Variants in CDH13 observed in about 807,000 individuals in gnomAD.
The protein encoded by CDH13 is cadherin-13.
CDH13 carries 24 observed loss-of-function variants against 63.8 expected under a neutral mutation model. The observed-to-expected ratio is 0.38, with a 90% CI of 0.27 to 0.53. CDH13 has a LOEUF of 0.53. Ranked by LOEUF, CDH13 falls within the 20% of genes least tolerant of loss-of-function variation. The pLI, the probability that CDH13 is intolerant of heterozygous loss-of-function variation, is 0.85. For missense variants in CDH13, 1,049 were observed against 903.1 expected (o/e 1.16, Z -2.07); for synonymous variants, 503 against 355.3 (o/e 1.42, Z -4.67).
intron 1 of CDH13, among the ~76,000 whole-genome samples, chr16:82,797,231 T>A (rs2036626765): frequency 6.6e-6 from 1 of 152,194 alleles, no homozygotes; most frequent in African/African-American, 2.4e-5. Context: ...TGCTGTACAC[T>A]GTGTGTTACC....
intron 6 of CDH13, among the ~76,000 whole-genome samples, chr16:83,359,812 A>G (rs1460082431): frequency 6.6e-6 from 1 of 152,142 alleles, no homozygotes; most frequent in Non-Finnish European, 1.5e-5. Flanking sequence ...CATACAATTT[A>G]CCAATTCATC....
chr16:83,144,514 G>A (rs1225584982), intron 4 of CDH13, among the ~76,000 whole-genome samples: 1 of 152,190 alleles, frequency 6.6e-6, no homozygotes, highest in Non-Finnish European at 1.5e-5. Context: ...CACGAGACAA[G>A]GTGTGTTAAC....
intron 3 of CDH13, among the ~76,000 whole-genome samples, chr16:83,097,650 A>G (rs1048680137): frequency 6.6e-6 from 1 of 152,202 alleles, no homozygotes; most frequent in African/African-American, 2.4e-5. Context: ...AAGAGGCAGC[A>G]TCTTTAGAGT....
rs546389568 is a variant in CDH13 at position 83,644,017 on chromosome 16, C to T, written c.1102-26773C>T. Among the ~76,000 whole-genome samples, 17 of 152,318 alleles carry T rather than the reference C, an allele frequency of 1.1e-4. No individual in the cohort carries two copies. The South Asian group carries it at 1.2e-3, about 11-fold the overall frequency. On this transcript the variant is annotated intron_variant, in intron 8 of 13. Transcript: ENST00000567109. ...TTCAGATCTTTAACATAAGCTGTAA[C>T]GAGGGCAGCTAGAAGCAGAGCCTAT...
At chr16:83,423,774 G>T (rs892475299) in intron 6 of CDH13, among the ~76,000 whole-genome samples, 1 of 152,136 alleles carries the variant, frequency 6.6e-6, no homozygotes, top group African/African-American at 2.4e-5. Context: ...TGCAAGATGT[G>T]CAAGTCCCCT....
chr16:82,671,197 T>G (rs1413449075), intron 1 of CDH13, among the ~76,000 whole-genome samples: 2 of 152,082 alleles, frequency 1.3e-5, no homozygotes, highest in Admixed American at 6.5e-5. Flanking sequence ...GTAAATAAAG[T>G]AAATGAAAAA....
intron 1 of CDH13, among the ~76,000 whole-genome samples, chr16:82,822,474 T>A (rs190904371): frequency 0.017 from 2,658 of 152,306 alleles, 62 homozygotes; most frequent in African/African-American, 0.05. Flanking sequence ...ATCATTTTTT[T>A]AAAAAAATAG....
intron 4 of CDH13, among the ~76,000 whole-genome samples, chr16:83,193,212 G>C (rs1039268710): frequency 6.6e-6 from 1 of 151,816 alleles, no homozygotes; most frequent in African/African-American, 2.4e-5. Context: ...TAGATACTGA[G>C]CCATCCTAGA....
chr16:83,760,615 A>G (rs902196731), intron 11 of CDH13, among the ~76,000 whole-genome samples: 3 of 152,258 alleles, frequency 2.0e-5, no homozygotes, highest in Non-Finnish European at 4.4e-5. Context: ...GACTGCATTT[A>G]TATAAAGCTC....
intron 4 of CDH13, among the ~76,000 whole-genome samples, chr16:83,133,365 C>A (rs977229962): frequency 1.9e-4 from 29 of 152,086 alleles, no homozygotes; most frequent in Admixed American, 2.6e-4. Flanking sequence ...CATTTGGAAA[C>A]AAATCCCTTG....
At chr16:83,372,248 C>G (rs922748717) in intron 6 of CDH13, among the ~76,000 whole-genome samples, 3 of 152,148 alleles carry the variant, frequency 2.0e-5, no homozygotes, top group Non-Finnish European at 4.4e-5. Context: ...CACAAGATTG[C>G]TCAACTAGTG....
intron 7 of CDH13, among the ~76,000 whole-genome samples, chr16:83,532,840 A>G (rs1213602354): frequency 6.6e-6 from 1 of 152,220 alleles, no homozygotes; most frequent in African/African-American, 2.4e-5. Flanking sequence ...GTTATGAGCC[A>G]TGCGTTGTGC....
intron 2 of CDH13, among the ~76,000 whole-genome samples, chr16:83,012,555 C>G (rs1039096494): frequency 4.6e-5 from 7 of 152,058 alleles, no homozygotes; most frequent in Non-Finnish European, 1.0e-4. Flanking sequence ...GACAGACTCT[C>G]TACAAGAAAA....
chr16:83,115,822 C>G (rs13331244), intron 3 of CDH13, among the ~76,000 whole-genome samples: 18 of 152,356 alleles, frequency 1.2e-4, no homozygotes, highest in African/African-American at 2.6e-4. Flanking sequence ...GAGGTTTTCA[C>G]TATTTCTCCC....
intron 1 of CDH13, among the ~76,000 whole-genome samples, chr16:82,738,928 T>G (rs920143900): frequency 5.3e-5 from 8 of 152,234 alleles, no homozygotes; most frequent in Non-Finnish European, 8.8e-5. Context: ...GTGTTCCCTG[T>G]GCCTCACACA....
chr16:83,354,933 G>A (rs2091024044), intron 6 of CDH13, among the ~76,000 whole-genome samples: 1 of 152,210 alleles, frequency 6.6e-6, no homozygotes, highest in African/African-American at 2.4e-5. Flanking sequence ...TGGTAGAATT[G>A]GGTAGCGGGG....
chr16:82,921,654 T>A (rs1474132260), intron 2 of CDH13, among the ~76,000 whole-genome samples: 1 of 152,200 alleles, frequency 6.6e-6, no homozygotes, highest in African/African-American at 2.4e-5. Flanking sequence ...CTTGCAAATA[T>A]GTTGTCGAGG....
At chr16:83,186,820 G>C (rs566866478) in intron 4 of CDH13, among the ~76,000 whole-genome samples, 133 of 152,300 alleles carry the variant, frequency 8.7e-4, no homozygotes, top group Non-Finnish European at 1.5e-3. Flanking sequence ...TGTGGAGGAA[G>C]AGTTCTGATG....
At position 82,979,733 on chromosome 16, in the gene CDH13, A is replaced by G. The variant is rs78164666; in HGVS notation, c.158-52277A>G. On this transcript the variant is annotated intron_variant, in intron 2 of 13. Transcript: ENST00000567109. ...CTCTATTAGCAGGATGAGAACAGAC[A>G]AATGCACAGACCAACAAGGAGTATG... 6.6e-3 allele frequency among the ~76,000 whole-genome samples: 1,003 copies of G among 152,326 alleles called. 4 individuals are homozygous for G. The highest frequency in any genetic ancestry group is 0.017 in the Middle Eastern group (5 of 294).
Sources: gnomAD v4.1 joint callset for allele counts (sites outside exome capture counted in the v4.1 genomes callset) on GRCh38, gnomAD v4.1.1 for gene constraint, MANE v1.5 for transcripts, NCBI Gene and HGNC (gene_info 2026-07-23, HGNC 2026-07-21) for gene names.